The following ABCA13 variants were observed in gnomAD, a reference collection of about 807,000 sequenced individuals.
The protein encoded by ABCA13 is ATP binding cassette subfamily A member 13.
In ABCA13, 476 loss-of-function variants were observed where a neutral mutation model predicts 478.7. That is an observed-to-expected ratio of 0.99 (90% CI 0.92 to 1.07). The LOEUF is 1.07. Among genes scored for constraint, ABCA13 ranks in the 50% least tolerant of loss-of-function variants. The pLI is 0.00. For synonymous variants in ABCA13, 2,252 were observed against 2,158.9 expected (o/e 1.04, Z -1.20); for missense variants, 6,060 against 5,910.6 (o/e 1.03, Z -0.83).
intron 1 of ABCA13, among the ~76,000 whole-genome samples, chr7:48,172,747 G>A (rs1291150782): frequency 1.5e-5 from 2 of 137,506 alleles, no homozygotes; most frequent in African/African-American, 2.7e-5. Context: ...GCAGTGAGCC[G>A]AGATCGCGCC....
rs138674549 is a variant in ABCA13, at chr7:48,432,880, A to C, written c.12565+5009A>C. On this transcript the variant is annotated intron_variant, in intron 42 of 61. Transcript: ENST00000435803. Reference sequence around the variant, plus strand: ...ATATTTCAGTTATATAGGAGAAATAAGTTCAAGAGATCTATTGTACAACAT... The same window carrying C: ...ATATTTCAGTTATATAGGAGAAATACGTTCAAGAGATCTATTGTACAACAT... Among the ~76,000 whole-genome samples the C allele has an allele frequency of 7.1e-4, 108 of 152,200 alleles. 3 individuals carry two copies. The highest frequency in any genetic ancestry group is 2.5e-3 in the African/African-American group (103 of 41,558).
Position 48,372,515 on chromosome 7 carries a change from TAA to T in ABCA13, c.11133+35_11133+36del, listed in dbSNP as rs11357239. 0.041 allele frequency: 47,265 copies of T among 1,141,966 alleles called. 9 individuals carry two copies. Among genetic ancestry groups the T allele is most frequent in the East Asian group, 0.11 (3,958 of 37,262 alleles). 70.7% of individuals were successfully genotyped at this position (1,141,966 alleles called of 1,614,324 possible). A position where few individuals can be genotyped will look rare whatever the true frequency, so the allele number is the denominator to read the frequency against. On this transcript the variant is annotated intron_variant, in intron 33 of 61. Transcript: ENST00000435803. ...CATTTCTGGTAAGTAAGTTGTTTTGTAAAAAAAAAAAAAAAAAACAACAAAAT... is the reference window on the plus strand; with the variant it reads ...CATTTCTGGTAAGTAAGTTGTTTTGTAAAAAAAAAAAAAAAACAACAAAAT...
At chr7:48,537,449 C>T (rs1482147957) in intron 55 of ABCA13, among the ~76,000 whole-genome samples, 1 of 152,134 alleles carries the variant, frequency 6.6e-6, no homozygotes, top group East Asian at 1.9e-4. Flanking sequence ...AATTTTACTT[C>T]TATAGAAGGA....
intron 41 of ABCA13, among the ~76,000 whole-genome samples, chr7:48,422,457 T>TTA (rs1485538772): frequency 6.6e-6 from 1 of 152,194 alleles, no homozygotes; most frequent in African/African-American, 2.4e-5. Context: ...TTTTTATAAC[T>TTA]TATGTCTTTT....
At chr7:48,416,442 A>G (rs1819997879) in intron 41 of ABCA13, among the ~76,000 whole-genome samples, 1 of 152,060 alleles carries the variant, frequency 6.6e-6, no homozygotes, top group Non-Finnish European at 1.5e-5. Flanking sequence ...ATTCTTGACC[A>G]TGCATGGTGC....
chr7:48,405,980 G>T lies in ABCA13; in HGVS notation c.12070+2101G>T, dbSNP rs575439612. ...GTGTTTTCAAGAATCAAAATGTATA[G>T]CCATTTCTGAAGCAGCCCAAACCTC... On this transcript the variant is annotated intron_variant, in intron 39 of 61. Transcript: ENST00000435803. 3.9e-5 allele frequency among the ~76,000 whole-genome samples: 6 copies of T among 152,280 alleles called. No individual in the cohort carries two copies. In the East Asian group the frequency reaches 1.2e-3, roughly 29 times the overall value.
intron 27 of ABCA13, among the ~76,000 whole-genome samples, chr7:48,330,676 T>C (rs1161023187): frequency 1.3e-5 from 2 of 151,738 alleles, no homozygotes; most frequent in Admixed American, 6.6e-5. Context: ...CAACCATCGA[T>C]TCATCTATCT....
chr7:48,250,455 A>G (rs563165637), intron 15 of ABCA13, among the ~76,000 whole-genome samples: 1 of 152,276 alleles, frequency 6.6e-6, no homozygotes, highest in African/African-American at 2.4e-5. Context: ...TCCCCTGACA[A>G]TCAGCCCCCA....
chr7:48,209,388 T>A (rs1313325863), intron 3 of ABCA13, among the ~76,000 whole-genome samples: 2 of 152,086 alleles, frequency 1.3e-5, no homozygotes, highest in Non-Finnish European at 2.9e-5. Context: ...GCAGAACGAG[T>A]TTGACAGCAT....
At chr7:48,503,072 A>G (rs1265001696) in intron 48 of ABCA13, among the ~76,000 whole-genome samples, 1 of 152,174 alleles carries the variant, frequency 6.6e-6, no homozygotes, top group Non-Finnish European at 1.5e-5. Flanking sequence ...ACTTATTTAC[A>G]TATTTACTTA....
intron 39 of ABCA13, among the ~76,000 whole-genome samples, chr7:48,405,736 A>G (rs1233548494): frequency 6.6e-6 from 1 of 152,180 alleles, no homozygotes; most frequent in African/African-American, 2.4e-5. Flanking sequence ...AATGAGCACA[A>G]AGGTTATTTT....
chr7:48,454,888 G>T (rs1238857798), intron 42 of ABCA13, 149 bp from the exon 43 acceptor site: 1 of 1,127,976 alleles, frequency 8.9e-7, no homozygotes, highest in African/African-American at 1.6e-5. Flanking sequence ...TGCATAAAGG[G>T]GACACTCAAG....
Position 48,274,768 on chromosome 7 carries a change from C to G in ABCA13, c.5102C>G (p.Thr1701Ser), listed in dbSNP as rs1054178481. 7 of 1,613,938 alleles carry G rather than the reference C, an allele frequency of 4.3e-6. No individual in the cohort carries two copies. The Admixed American group carries it at 1.2e-4, about 27-fold the overall frequency. The change falls in exon 17 of 62, where the codon ACT becomes AGT. Residue 1701 changes from threonine (T) to serine (S), a missense_variant. Physicochemically the swap from Thr to Ser is moderately conservative, Grantham distance 58. Transcript: ENST00000435803. ...DFFKNISSVG[T>S]GNLVVNLLVG... is the part of the protein sequence containing the mutation. Reference sequence around the variant, plus strand: ...TTTAAGAATATCAGTAGTGTGGGAACTGGCAATTTAGTGGTCAATTTGCTT... The same window carrying G: ...TTTAAGAATATCAGTAGTGTGGGAAGTGGCAATTTAGTGGTCAATTTGCTT...
intron 18 of ABCA13, among the ~76,000 whole-genome samples, chr7:48,280,197 C>T (rs1227831144): frequency 6.6e-6 from 1 of 152,196 alleles, no homozygotes; most frequent in Non-Finnish European, 1.5e-5. Flanking sequence ...TTATTCTATT[C>T]ACTCATCCCA....
chr7:48,631,763 G>A (rs1057067907), intron 59 of ABCA13, among the ~76,000 whole-genome samples: 5 of 151,968 alleles, frequency 3.3e-5, no homozygotes, highest in Non-Finnish European at 7.4e-5. Flanking sequence ...TTTTAGAAAT[G>A]TGGTCATTTT....
chr7:48,217,559 C>T (rs1177486653), intron 3 of ABCA13, among the ~76,000 whole-genome samples: 1 of 152,094 alleles, frequency 6.6e-6, no homozygotes, highest in South Asian at 2.1e-4. Context: ...AGATAATCTC[C>T]CAAGTGTGAC....
At chr7:48,338,000 T>C (rs11974482) in intron 28 of ABCA13, among the ~76,000 whole-genome samples, 6,707 of 152,310 alleles carry the variant, frequency 0.044, 492 homozygotes, top group African/African-American at 0.15. Context: ...AATGACCCTC[T>C]GTTTACAACT....
At chr7:48,550,265 C>CTTTTTTTTTTTTTTTTTTTTT (rs57540403) in intron 55 of ABCA13, among the ~76,000 whole-genome samples, 1 of 148,328 alleles carries the variant, frequency 6.7e-6, no homozygotes. Context: ...CTCTATTTTT[C>CTTTTTTTTTTTTTTTTTTTTT]TTTTTTTTGG....
At chr7:48,638,350 G>A (rs550407606) in intron 59 of ABCA13, among the ~76,000 whole-genome samples, 2 of 152,320 alleles carry the variant, frequency 1.3e-5, no homozygotes, top group South Asian at 4.1e-4. Context: ...GCCACAGAGA[G>A]CAGTGTTTAT....
Sources: gnomAD v4.1 joint callset for allele counts (sites outside exome capture counted in the v4.1 genomes callset) on GRCh38, gnomAD v4.1.1 for gene constraint, MANE v1.5 for transcripts, NCBI Gene and HGNC (gene_info 2026-07-23, HGNC 2026-07-21) for gene names.